CHIC1: variants seen among roughly 807,000 people sequenced by gnomAD.
CHIC1 encodes the protein cysteine rich hydrophobic domain 1.
Under a neutral mutation model 18.5 loss-of-function variants are expected in CHIC1, and 7 were observed. The observed-to-expected ratio is 0.38, with a 90% CI of 0.22 to 0.71. CHIC1 has a LOEUF of 0.71. CHIC1 is among the 30% of genes least tolerant of loss of function. The probability of loss-of-function intolerance (pLI) is 0.49; values close to 1 mark genes in which losing one functional copy is unlikely to be tolerated. For synonymous variants in CHIC1, 77 were observed against 73.5 expected (o/e 1.05, Z -0.25); for missense variants, 159 against 176.9 (o/e 0.90, Z 0.57).
chrX:73,670,929 G>GT (rs749659108), intron 3 of CHIC1, among the ~76,000 whole-genome samples: 5 of 111,806 alleles, frequency 4.5e-5, no homozygotes, highest in South Asian at 7.4e-4. Context: ...TACTTAACAT[G>GT]TTTTTTGTCA....
intron 3 of CHIC1, among the ~76,000 whole-genome samples, chrX:73,650,619 G>C (rs748482562): frequency 2.9e-5 from 3 of 103,241 alleles, no homozygotes; most frequent in Non-Finnish European, 5.8e-5. Flanking sequence ...ACCCTCCCAA[G>C]ACTAAACCAG....
intron 3 of CHIC1, among the ~76,000 whole-genome samples, chrX:73,617,552 T>C (rs1418833028): frequency 9.1e-6 from 1 of 110,087 alleles, no homozygotes; most frequent in African/African-American, 3.3e-5. Context: ...GAAAAAGAGG[T>C]TTAATGGACT....
At chrX:73,678,181 G>T (rs966157287) in intron 3 of CHIC1, among the ~76,000 whole-genome samples, 2 of 111,955 alleles carry the variant, frequency 1.8e-5, no homozygotes, top group Non-Finnish European at 3.8e-5. Flanking sequence ...GATTACTTCA[G>T]CTGTAATCAG....
chrX:73,685,375 T>G lies in CHIC1; in HGVS notation c.*4370T>G, dbSNP rs1203751330. ...TGCAGTTGGTATTCAGGCAAGAATT[T>G]TAGCTGTAACAACAATGGAAATATT... On this transcript the variant is annotated 3_prime_UTR_variant, in exon 6 of 6. Transcript: ENST00000373502. 2 of 111,784 alleles carry G rather than the reference T, an allele frequency of 1.8e-5. No homozygotes were observed. The highest frequency in any genetic ancestry group is 3.8e-5 in the Non-Finnish European group (2 of 53,034). 9.2% of individuals were successfully genotyped at this position (111,784 alleles called of 1,213,427 possible).
At chrX:73,575,271 A>AT (rs765672967) in intron 1 of CHIC1, among the ~76,000 whole-genome samples, 21 of 109,868 alleles carry the variant, frequency 1.9e-4, no homozygotes, top group African/African-American at 4.3e-4. Flanking sequence ...TATTTTTTAA[A>AT]TTTTTTTCTG....
At chrX:73,574,207 C>G (rs1471889829) in intron 1 of CHIC1, among the ~76,000 whole-genome samples, 1 of 110,297 alleles carries the variant, frequency 9.1e-6, no homozygotes, top group Admixed American at 9.6e-5. Context: ...GTTTTTAATC[C>G]TGTTTATGTG....
At chrX:73,675,887 G>C (rs895242958) in intron 3 of CHIC1, among the ~76,000 whole-genome samples, 4 of 110,105 alleles carry the variant, frequency 3.6e-5, no homozygotes, top group African/African-American at 1.0e-4. Context: ...TCCTTTCCAT[G>C]TTTAGTGCTT....
intron 3 of CHIC1, among the ~76,000 whole-genome samples, chrX:73,669,982 C>T (rs1603350505): frequency 8.9e-6 from 1 of 112,023 alleles, no homozygotes; most frequent in South Asian, 3.8e-4. Context: ...GCTCTTGGGT[C>T]TTTGTGCATG....
At chrX:73,670,602 ATTTC>A (rs1404532575) in intron 3 of CHIC1, among the ~76,000 whole-genome samples, 11 of 106,703 alleles carry the variant, frequency 1.0e-4, no homozygotes, top group African/African-American at 4.0e-4. Context: ...CTATTCTTAT[ATTTC>A]TTTCTATCTC....
chrX:73,589,384 G>A (rs1299817657), intron 3 of CHIC1, among the ~76,000 whole-genome samples: 2 of 110,342 alleles, frequency 1.8e-5, no homozygotes, highest in African/African-American at 6.6e-5. Flanking sequence ...TTACTGTACT[G>A]TATACCTTAT....
At chrX:73,582,470 T>TC (rs2147549961) in intron 2 of CHIC1, among the ~76,000 whole-genome samples, 1 of 96,820 alleles carries the variant, frequency 1.0e-5, no homozygotes, top group African/African-American at 4.6e-5. Flanking sequence ...TTGATTTTTC[T>TC]TTTTTTTTTG....
chrX:73,626,845 G>A (rs2057785615), intron 3 of CHIC1, among the ~76,000 whole-genome samples: 1 of 110,762 alleles, frequency 9.0e-6, no homozygotes, highest in Admixed American at 9.7e-5. Flanking sequence ...CCTGGATGCT[G>A]TTGATGCTAG....
intron 3 of CHIC1, among the ~76,000 whole-genome samples, chrX:73,585,136 G>A (rs1603340639): frequency 9.0e-6 from 1 of 111,611 alleles, no homozygotes; most frequent in Non-Finnish European, 1.9e-5. Flanking sequence ...TGAAGCCAAT[G>A]AGGAAAATTA....
chrX:73,590,196 ACTT>A (rs1465861004), intron 3 of CHIC1, among the ~76,000 whole-genome samples: 2 of 110,711 alleles, frequency 1.8e-5, no homozygotes, highest in Admixed American at 1.9e-4. Context: ...AGCCTGAAGA[ACTT>A]CTTTTAGTGT....
chrX:73,645,166 GTATC>G (rs1231234503), intron 3 of CHIC1, among the ~76,000 whole-genome samples: 1 of 112,602 alleles, frequency 8.9e-6, no homozygotes, highest in Non-Finnish European at 1.9e-5. Context: ...AGATCACACA[GTATC>G]TATCTGTGCC....
chrX:73,615,128 G>T (rs2057726489), intron 3 of CHIC1, among the ~76,000 whole-genome samples: 1 of 111,803 alleles, frequency 8.9e-6, no homozygotes, highest in Non-Finnish European at 1.9e-5. Context: ...GGTATTTTCA[G>T]TTGTAAAAGC....
At chrX:73,578,381 A>ATATATTACATTAT (rs2057510490) in intron 2 of CHIC1, among the ~76,000 whole-genome samples, 1 of 110,756 alleles carries the variant, frequency 9.0e-6, no homozygotes, top group Non-Finnish European at 1.9e-5. Flanking sequence ...TATATTACAG[A>ATATATTACATTAT]ATACTCAGTC....
chrX:73,681,054 G>A lies in CHIC1; in HGVS notation c.*49G>A, dbSNP rs1239855857. The A allele has an allele frequency of 1.1e-5, 8 of 741,733 alleles. No homozygotes were observed. Among genetic ancestry groups the A allele is most frequent in the Non-Finnish European group, 1.6e-5 (8 of 503,883 alleles). 61.1% of individuals were successfully genotyped at this position (741,733 alleles called of 1,213,427 possible). On this transcript the variant is annotated 3_prime_UTR_variant, in exon 6 of 6. Transcript: ENST00000373502. Reference sequence around the variant, plus strand: ...TGTTACCTGTCATTTCCTACCCTTAGTGCCTTGTAGATTTGGAATGAAGAT... The same window carrying A: ...TGTTACCTGTCATTTCCTACCCTTAATGCCTTGTAGATTTGGAATGAAGAT...
At chrX:73,671,188 A>G (rs1020782444) in intron 3 of CHIC1, among the ~76,000 whole-genome samples, 3 of 111,512 alleles carry the variant, frequency 2.7e-5, no homozygotes, top group Non-Finnish European at 3.8e-5. Flanking sequence ...GAATTCCCTT[A>G]TATGTGACTT....
Sources: allele counts gnomAD v4.1 joint callset (sites outside exome capture counted in the v4.1 genomes callset), GRCh38; gene constraint gnomAD v4.1.1; transcripts MANE v1.5; gene names NCBI Gene and HGNC (gene_info 2026-07-23, HGNC 2026-07-21).